Variants in REXO5 observed in about 807,000 individuals in gnomAD.
REXO5 encodes exonuclease NEF-sp.
REXO5 carries 48 observed loss-of-function variants against 88.5 expected under a neutral mutation model. The ratio of observed to expected loss-of-function variants is 0.54; its 90% CI spans 0.43 to 0.69. REXO5 has a LOEUF of 0.69. REXO5 is among the 30% of genes least tolerant of loss of function. The pLI, the probability that REXO5 is intolerant of heterozygous loss-of-function variation, is 0.00. For missense variants in REXO5, 749 were observed against 912.2 expected (o/e 0.82, Z 2.30); for synonymous variants, 311 against 336.5 (o/e 0.92, Z 0.83).
intron 5 of REXO5, 55 bp downstream of exon 5, chr16:20,816,267 A>G (rs1263406926): frequency 1.4e-6 from 2 of 1,396,692 alleles, no homozygotes; most frequent in African/African-American, 2.9e-5. Flanking sequence ...TACGGATATG[A>G]TTGTAAGTAG....
intron 2 of REXO5, among the ~76,000 whole-genome samples, chr16:20,811,095 C>T (rs755665817): frequency 6.6e-6 from 1 of 152,184 alleles, no homozygotes; most frequent in Non-Finnish European, 1.5e-5. Context: ...ACACCCCACA[C>T]CAGAGCACCC....
chr16:20,837,734 G>A (rs1363923258), intron 13 of REXO5, among the ~76,000 whole-genome samples: 1 of 151,832 alleles, frequency 6.6e-6, no homozygotes, highest in African/African-American at 2.4e-5. Flanking sequence ...ATTTTCATCA[G>A]CTGAAATGCT....
At chr16:20,837,760 T>C (rs767890968) in intron 13 of REXO5, among the ~76,000 whole-genome samples, 4 of 152,256 alleles carry the variant, frequency 2.6e-5, no homozygotes, top group Non-Finnish European at 5.9e-5. Context: ...TCTCACTTTA[T>C]GTCTTGGCTT....
chr16:20,839,591 G>A (rs928321878), intron 13 of REXO5, among the ~76,000 whole-genome samples, 164 bp from the exon 14 acceptor site: 1 of 152,058 alleles, frequency 6.6e-6, no homozygotes, highest in African/African-American at 2.4e-5. Context: ...CTTTGGGGAA[G>A]GTGTGTGGTT....
At chr16:20,812,195 C>T (rs901380698) in intron 2 of REXO5, among the ~76,000 whole-genome samples, 1 of 152,096 alleles carries the variant, frequency 6.6e-6, no homozygotes, top group South Asian at 2.1e-4. Flanking sequence ...GTAACAAACA[C>T]GAATTACTTT....
At chr16:20,806,749 G>A in intron 1 of REXO5, 44 bp downstream of exon 1, 1 of 1,006,450 alleles carries the variant, frequency 9.9e-7, no homozygotes, top group Non-Finnish European at 1.4e-6. Flanking sequence ...AGAGCGGCGC[G>A]GGTGTCCAGT....
chr16:20,807,350 G>C, intron 2 of REXO5: 1 of 452,016 alleles, frequency 2.2e-6, no homozygotes, highest in Middle Eastern at 6.1e-4. Flanking sequence ...AGGCCGAGGC[G>C]GGCGGATCAC....
chr16:20,836,124 G>C (rs1029658317), intron 13 of REXO5, among the ~76,000 whole-genome samples: 1 of 152,090 alleles, frequency 6.6e-6, no homozygotes, highest in African/African-American at 2.4e-5. Flanking sequence ...ACCTGTACCT[G>C]GGTAGTACAT....
chr16:20,827,007 G>C, intron 8 of REXO5, 51 bp from the exon 9 acceptor site: 1 of 1,577,252 alleles, frequency 6.3e-7, no homozygotes, highest in Non-Finnish European at 8.6e-7. Flanking sequence ...TTTCCAGAGA[G>C]GAAAACTTGT....
intron 13 of REXO5, among the ~76,000 whole-genome samples, chr16:20,838,016 C>G (rs1459037866): frequency 6.6e-6 from 1 of 152,192 alleles, no homozygotes; most frequent in East Asian, 1.9e-4. Context: ...ATCTTCCCAC[C>G]TTGGCTTCCC....
chr16:20,806,604 G>T lies in REXO5; in HGVS notation c.-104G>T. On this transcript the variant is annotated 5_prime_UTR_variant, in exon 1 of 20. Transcript: ENST00000261377. ...TCTCTTCTGCGTTTCCCGGGCTAGG[G>T]GGCGTGGGGAGTGGTTTTAGGCGGC... 1 of 1,418,144 alleles carries T rather than the reference G, an allele frequency of 7.1e-7. No individual in the cohort carries two copies. 87.8% of individuals were successfully genotyped at this position (1,418,144 alleles called of 1,614,324 possible).
chr16:20,839,933 C>A, intron 14 of REXO5, 74 bp downstream of exon 14: 4 of 867,272 alleles, frequency 4.6e-6, no homozygotes, highest in South Asian at 1.9e-5. Context: ...GAAAGTAATA[C>A]ATGCTTTATT....
At chr16:20,834,786 A>G (rs1263754043) in intron 13 of REXO5, among the ~76,000 whole-genome samples, 3 of 152,156 alleles carry the variant, frequency 2.0e-5, no homozygotes, top group African/African-American at 7.2e-5. Context: ...TTTTACCTCT[A>G]GAAGTTAACT....
chr16:20,807,503 A>G (rs2080908077), intron 2 of REXO5: 1 of 187,904 alleles, frequency 5.3e-6, no homozygotes, highest in Non-Finnish European at 1.1e-5. Flanking sequence ...GAATCGCTAG[A>G]ACCCAGGAAC....
intron 13 of REXO5, among the ~76,000 whole-genome samples, chr16:20,835,086 G>A (rs956014010): frequency 1.3e-5 from 2 of 152,168 alleles, no homozygotes; most frequent in Admixed American, 6.5e-5. Context: ...GTGAGCTTTG[G>A]TCTGAGATGT....
chr16:20,827,042 C>CT lies in REXO5; in HGVS notation c.822-9dup, dbSNP rs2081269566. 6 of 1,613,154 alleles carry CT rather than the reference C, an allele frequency of 3.7e-6. No individual in the cohort carries two copies. The Admixed American group carries it at 1.0e-4, about 27-fold the overall frequency. The stretch of plus-strand genomic sequence containing the variant: ...TTAATATCCTAGCCTGTCCATTTCT[C>CT]TTTTTTTAATGAAAGCTTTTCGGGA... On this transcript the variant is annotated splice_polypyrimidine_tract_variant and intron_variant, in intron 8 of 19. Transcript: ENST00000261377.
intron 6 of REXO5, among the ~76,000 whole-genome samples, chr16:20,824,160 G>A (rs2081227282): frequency 1.3e-5 from 2 of 152,126 alleles, no homozygotes; most frequent in African/African-American, 4.8e-5. Flanking sequence ...CTTTTCTCAT[G>A]AGGAGGAAAA....
At chr16:20,840,544 A>G (rs946973552) in intron 15 of REXO5, 76 bp downstream of exon 15, 4 of 1,305,846 alleles carry the variant, frequency 3.1e-6, no homozygotes, top group African/African-American at 1.5e-5. Flanking sequence ...CCATGCAGAT[A>G]GCAAATATTC....
intron 3 of REXO5, 36 bp downstream of exon 3, chr16:20,813,338 CG>C: frequency 1.2e-6 from 1 of 823,024 alleles, no homozygotes; most frequent in Non-Finnish European, 1.9e-6. Flanking sequence ...TATTGACCAG[CG>C]GTTTCTTTTT....
Sources: allele counts gnomAD v4.1 joint callset (sites outside exome capture counted in the v4.1 genomes callset), GRCh38; gene constraint gnomAD v4.1.1; transcripts MANE v1.5; gene names NCBI Gene and HGNC (gene_info 2026-07-23, HGNC 2026-07-21).